RASA3: variants seen among roughly 807,000 people sequenced by gnomAD.
RASA3 encodes the protein RAS p21 protein activator 3.
In RASA3, 73 loss-of-function variants were observed where a neutral mutation model predicts 110.0. The observed-to-expected ratio is 0.66, with a 90% CI of 0.55 to 0.81. The LOEUF is 0.81. Ranked by LOEUF, RASA3 falls within the 30% of genes least tolerant of loss-of-function variation. The probability of loss-of-function intolerance (pLI) is 0.00; values close to 1 mark genes in which losing one functional copy is unlikely to be tolerated. For synonymous variants in RASA3, 500 were observed against 451.4 expected (o/e 1.11, Z -1.37); for missense variants, 976 against 1,113.2 (o/e 0.88, Z 1.75).
At chr13:114,045,378 G>C (rs1382100181) in intron 3 of RASA3, among the ~76,000 whole-genome samples, 1 of 152,186 alleles carries the variant, frequency 6.6e-6, no homozygotes, top group Non-Finnish European at 1.5e-5. Context: ...ATCTGTGCTG[G>C]CCAGGCCCGT....
chr13:114,073,951 C>A, intron 1 of RASA3, 114 bp from the exon 2 acceptor site: 1 of 970,842 alleles, frequency 1.0e-6, no homozygotes, highest in Non-Finnish European at 1.6e-6. Context: ...CTCTATAAAG[C>A]CTTGGTTTTT....
chr13:114,127,945 C>T (rs1056624231), intron 1 of RASA3, among the ~76,000 whole-genome samples: 1 of 152,144 alleles, frequency 6.6e-6, no homozygotes, highest in Admixed American at 6.5e-5. Flanking sequence ...CTGCATCCAG[C>T]CTCCACACCC....
At chr13:114,004,662 A>G (rs1051392836) in intron 18 of RASA3, among the ~76,000 whole-genome samples, 2 of 152,244 alleles carry the variant, frequency 1.3e-5, no homozygotes, top group African/African-American at 4.8e-5. Context: ...AGAGCTGTGG[A>G]GGACGTGAGC....
intron 1 of RASA3, among the ~76,000 whole-genome samples, chr13:114,121,711 C>T (rs974015497): frequency 2.6e-5 from 4 of 152,232 alleles, no homozygotes; most frequent in Non-Finnish European, 5.9e-5. Flanking sequence ...GCCCTGAGGA[C>T]GCGGGCGGCC....
At position 114,057,277 on chromosome 13, in the gene RASA3, G is replaced by A; in HGVS notation, c.174-5122C>T. ...CTCAAGTCTTTCAGGAAACCAGGCA[G>A]GACATCTGCAGGCGGCCGGCCAGCC... is the stretch of plus-strand genomic sequence containing the variant. On this transcript the variant is annotated intron_variant, in intron 2 of 23. Coordinates refer to ENST00000334062, the MANE Select transcript of RASA3 (RefSeq NM_007368.4). This position sits in a 1 kb window ranked among gnomAD's most constrained non-coding sequence, Gnocchi z 5.0. The A allele has an allele frequency of 1.0e-6, 1 of 985,414 alleles. No individual in the cohort carries two copies. The highest frequency in any genetic ancestry group is 1.2e-6 in the Non-Finnish European group (1 of 829,918). The allele number at this position is 985,414 out of a possible 1,614,324, so 61.0% of individuals were successfully genotyped here.
At chr13:114,043,219 C>T (rs1011484412) in intron 3 of RASA3, among the ~76,000 whole-genome samples, 2 of 152,204 alleles carry the variant, frequency 1.3e-5, no homozygotes, top group African/African-American at 4.8e-5. Context: ...TGGAGCACCA[C>T]ATGGCCACAG....
intron 12 of RASA3, 95 bp from the exon 13 acceptor site, chr13:114,016,366 C>T: frequency 1.1e-6 from 1 of 946,876 alleles, no homozygotes; most frequent in Admixed American, 1.8e-5. Flanking sequence ...AGATGTAGAC[C>T]CTGAGCCTCA....
In RASA3 at chr13:114,048,499, C is replaced by T. The variant is rs575227640; in HGVS notation, c.277+3553G>A. The stretch of plus-strand genomic sequence containing the variant: ...AGGAGGGAGGCGCCAGGATCGGGGG[C>T]GGAGACCCCAATGCTCCTGACAGCA... On this transcript the variant is annotated intron_variant, in intron 3 of 23. Coordinates refer to ENST00000334062, the MANE Select transcript of RASA3 (RefSeq NM_007368.4). This position sits in a 1 kb window ranked among gnomAD's most constrained non-coding sequence, Gnocchi z 4.3. Among the ~76,000 whole-genome samples, 2 of 152,218 alleles carry T rather than the reference C, an allele frequency of 1.3e-5. No individual in the cohort carries two copies. The highest frequency in any genetic ancestry group is 3.9e-4 in the East Asian group (2 of 5,160).
intron 2 of RASA3, among the ~76,000 whole-genome samples, chr13:114,063,656 G>A (rs1418981874): frequency 2.0e-5 from 3 of 152,218 alleles, no homozygotes; most frequent in African/African-American, 4.8e-5. Flanking sequence ...CCATGTGCAC[G>A]CTGTGTGGTG....
intron 1 of RASA3, among the ~76,000 whole-genome samples, chr13:114,088,627 C>T (rs968771048): frequency 4.6e-5 from 7 of 151,886 alleles, no homozygotes; most frequent in African/African-American, 1.5e-4. Context: ...TCTTGGCTCA[C>T]GGCAACCTCC....
intron 2 of RASA3, among the ~76,000 whole-genome samples, chr13:114,052,872 C>T (rs935320204): frequency 2.1e-4 from 23 of 111,670 alleles, no homozygotes; most frequent in African/African-American, 6.8e-4. Context: ...GGGGGAGAGA[C>T]CCCCGCTGCT....
chr13:114,012,493 CCA>C (rs2053656032), intron 15 of RASA3, among the ~76,000 whole-genome samples: 2 of 147,504 alleles, frequency 1.4e-5, no homozygotes, highest in Non-Finnish European at 3.0e-5. Context: ...AACGCACTCC[CCA>C]CTCACTCATT....
intron 1 of RASA3, among the ~76,000 whole-genome samples, chr13:114,078,413 T>C (rs777496758): frequency 7.9e-5 from 12 of 152,252 alleles, no homozygotes; most frequent in Non-Finnish European, 1.2e-4. Flanking sequence ...GTTGCATGCA[T>C]GGATGAATAA....
At position 114,114,513 on chromosome 13, in the gene RASA3, C is replaced by A. The variant is rs886109119; in HGVS notation, c.55+17922G>T. Among the ~76,000 whole-genome samples the A allele has an allele frequency of 1.3e-5, 2 of 152,198 alleles. No individual in the cohort carries two copies. The highest frequency in any genetic ancestry group is 6.5e-5 in the Admixed American group (1 of 15,284). On this transcript the variant is annotated intron_variant, in intron 1 of 23. Coordinates refer to ENST00000334062, the MANE Select transcript of RASA3 (RefSeq NM_007368.4). This position sits in a 1 kb window ranked among gnomAD's most constrained non-coding sequence, Gnocchi z 4.8. ...AGTGAGGTCTGACCACAAAAGCTAC[C>A]CATTCACTTGCTAAATGGTGCAAAA...
chr13:114,055,241 G>GT (rs2079224654), intron 2 of RASA3, among the ~76,000 whole-genome samples: 2 of 152,248 alleles, frequency 1.3e-5, no homozygotes. Context: ...ATGTTCATGC[G>GT]TGCATGCATG....
chr13:113,992,617 TA>T lies in RASA3; in HGVS notation c.2142-30del, dbSNP rs771182260. On this transcript the variant is annotated intron_variant, in intron 21 of 23. Coordinates refer to ENST00000334062, the MANE Select transcript of RASA3 (RefSeq NM_007368.4). ...TCCAGACACAGCAAGAACAGAAAGA[TA>T]AAAACACTTATTTAAACGATGCTTT... 11 of 1,492,292 alleles carry T rather than the reference TA, an allele frequency of 7.4e-6. No individual in the cohort carries two copies. In the African/African-American group the frequency reaches 1.5e-4, roughly 21 times the overall value. The allele number at this position is 1,492,292 out of a possible 1,614,324, so 92.4% of individuals were successfully genotyped here.
intron 1 of RASA3, among the ~76,000 whole-genome samples, chr13:114,105,080 C>T (rs1014824820): frequency 1.3e-5 from 2 of 152,064 alleles, no homozygotes; most frequent in African/African-American, 4.8e-5. Flanking sequence ...ATGACCTCCC[C>T]AAGCCCCAGA....
chr13:114,005,819 T>A (rs1302435020), intron 18 of RASA3, among the ~76,000 whole-genome samples: 3 of 69,054 alleles, frequency 4.3e-5, no homozygotes, highest in African/African-American at 2.0e-4. Context: ...CCTTCTCCCC[T>A]CCTGCCCTGC....
At position 114,120,579 on chromosome 13, in the gene RASA3, T is replaced by C. The variant is rs61971990; in HGVS notation, c.55+11856A>G. ...AGGCGTCGATCAGGGCCCTCCCTCC[T>C]CTCTCCAGCCAGACGTCGGTCAGGG... On this transcript the variant is annotated intron_variant, in intron 1 of 23. Coordinates refer to ENST00000334062, the MANE Select transcript of RASA3 (RefSeq NM_007368.4). 6.6e-4 allele frequency among the ~76,000 whole-genome samples: 63 copies of C among 94,872 alleles called. 7 individuals are homozygous for C. The highest frequency in any genetic ancestry group is 6.5e-3 in the South Asian group (19 of 2,942). The allele number at this position is 94,872 out of a possible 152,430, so 62.2% of individuals were successfully genotyped here.
Sources: allele counts gnomAD v4.1 joint callset (sites outside exome capture counted in the v4.1 genomes callset), GRCh38; gene constraint gnomAD v4.1.1; non-coding constraint Gnocchi (gnomAD v3.1); transcripts MANE v1.5; gene names NCBI Gene and HGNC (gene_info 2026-07-23, HGNC 2026-07-21).